The following KDM4C variants were observed in gnomAD, a reference collection of about 807,000 sequenced individuals.
KDM4C encodes lysine demethylase 4C.
A neutral mutation model predicts 129.3 loss-of-function variants in KDM4C; 81 were observed. The observed-to-expected ratio is 0.63, with a 90% CI of 0.52 to 0.75. The LOEUF (loss-of-function observed/expected upper bound fraction) is 0.75, where lower values mean the gene tolerates loss of function less well. Ranked by LOEUF, KDM4C falls within the 30% of genes least tolerant of loss-of-function variation. The pLI, the probability that KDM4C is intolerant of heterozygous loss-of-function variation, is 0.00. For missense variants in KDM4C, 1,457 were observed against 1,304.0 expected, an observed-to-expected ratio of 1.12 and a Z score of -1.81; for synonymous variants, 573 against 456.1, an observed-to-expected ratio of 1.26 and a Z score of -3.26.
rs1312480836 is a variant in KDM4C, at chr9:6,730,077, T to C, written c.49+9080T>C. ...GTGGGCCGAGATTGTGCCACTGCAC[T>C]GCAGCCTGGGCAACAAAGCGAGACT... is the stretch of plus-strand genomic sequence containing the variant. On this transcript the variant is annotated intron_variant, in intron 1 of 17. Transcript: ENST00000536108. Among the ~76,000 whole-genome samples the C allele has an allele frequency of 2.4e-5, 2 of 82,834 alleles. 1 individual carries two copies. Among genetic ancestry groups the C allele is most frequent in the African/African-American group, 1.5e-4 (2 of 13,204 alleles). The allele number at this position is 82,834 out of a possible 152,430, so 54.3% of individuals were successfully genotyped here.
intron 5 of KDM4C, among the ~76,000 whole-genome samples, chr9:6,869,473 C>A (rs1842536980): frequency 6.6e-6 from 1 of 152,230 alleles, no homozygotes; most frequent in Non-Finnish European, 1.5e-5. Flanking sequence ...TTGGGGAGTT[C>A]ACTCTGAGAT....
chr9:6,847,494 C>T (rs189900923), intron 4 of KDM4C, among the ~76,000 whole-genome samples: 5 of 152,034 alleles, frequency 3.3e-5, no homozygotes, highest in Admixed American at 6.6e-5. Flanking sequence ...CTCCCGGGGC[C>T]GTTCTCCTGC....
At chr9:6,746,261 T>TA (rs1324137177) in intron 1 of KDM4C, among the ~76,000 whole-genome samples, 5 of 112,864 alleles carry the variant, frequency 4.4e-5, no homozygotes, top group African/African-American at 1.9e-4. Context: ...TATATATATA[T>TA]GTTTTTTTTT....
At chr9:6,906,452 C>A (rs1319945099) in intron 8 of KDM4C, among the ~76,000 whole-genome samples, 2 of 152,146 alleles carry the variant, frequency 1.3e-5, no homozygotes, top group African/African-American at 4.8e-5. Flanking sequence ...GACTCCAAGT[C>A]TTCTGCCTCA....
At chr9:6,741,899 C>G (rs1345473389) in intron 1 of KDM4C, among the ~76,000 whole-genome samples, 2 of 151,486 alleles carry the variant, frequency 1.3e-5, no homozygotes, top group African/African-American at 4.8e-5. Flanking sequence ...GTTACACACA[C>G]ACACACACAC....
At chr9:6,731,985 ACTAT>A (rs1369442624) in intron 1 of KDM4C, among the ~76,000 whole-genome samples, 8 of 152,084 alleles carry the variant, frequency 5.3e-5, no homozygotes, top group African/African-American at 1.9e-4. Context: ...TATTATCATC[ACTAT>A]CAGGAGGATA....
chr9:6,798,195 T>C (rs962087332), intron 2 of KDM4C, among the ~76,000 whole-genome samples: 1 of 152,180 alleles, frequency 6.6e-6, no homozygotes, highest in Non-Finnish European at 1.5e-5. Flanking sequence ...CTTGCTTCTC[T>C]GTCTTTAGAA....
At chr9:6,767,713 C>G (rs888323619) in intron 1 of KDM4C, among the ~76,000 whole-genome samples, 6 of 152,126 alleles carry the variant, frequency 3.9e-5, no homozygotes, top group Non-Finnish European at 8.8e-5. Flanking sequence ...TCCGCTTCAG[C>G]CTTCCAAAGT....
intron 18 of KDM4C, among the ~76,000 whole-genome samples, chr9:7,114,373 C>T (rs1276293451): frequency 4.6e-5 from 7 of 152,138 alleles, no homozygotes; most frequent in Non-Finnish European, 2.9e-5. Flanking sequence ...TATATGGGTA[C>T]ATTGAGAAAT....
intron 17 of KDM4C, among the ~76,000 whole-genome samples, chr9:7,095,794 G>T (rs959355504): frequency 3.9e-5 from 6 of 152,194 alleles, no homozygotes; most frequent in Non-Finnish European, 8.8e-5. Flanking sequence ...GGGTACAGTT[G>T]TATCAGAAGG....
At chr9:7,171,842 TA>T (rs894095601) in intron 21 of KDM4C, among the ~76,000 whole-genome samples, 86 of 151,228 alleles carry the variant, frequency 5.7e-4, no homozygotes, top group South Asian at 3.8e-3. Flanking sequence ...AATTTTTAAT[TA>T]AAAAAAAAGT....
At chr9:6,827,982 C>G (rs1424135692) in intron 4 of KDM4C, among the ~76,000 whole-genome samples, 2 of 152,098 alleles carry the variant, frequency 1.3e-5, no homozygotes, top group South Asian at 2.1e-4. Context: ...TCCGTTAGTT[C>G]TAGAAGCTGT....
At chr9:6,962,021 G>A (rs1302684480) in intron 8 of KDM4C, among the ~76,000 whole-genome samples, 5 of 152,096 alleles carry the variant, frequency 3.3e-5, no homozygotes, top group Non-Finnish European at 5.9e-5. Context: ...CATTAACTTC[G>A]TTATGTACTT....
At chr9:6,977,260 A>G (rs1833076649) in intron 8 of KDM4C, among the ~76,000 whole-genome samples, 1 of 152,152 alleles carries the variant, frequency 6.6e-6, no homozygotes, top group Non-Finnish European at 1.5e-5. Context: ...TCTTTTCATA[A>G]TTGTTGGAAA....
At chr9:6,855,938 G>C (rs1014780008) in intron 5 of KDM4C, among the ~76,000 whole-genome samples, 1 of 152,054 alleles carries the variant, frequency 6.6e-6, no homozygotes, top group African/African-American at 2.4e-5. Context: ...ATGGGGTCTC[G>C]CTGGGTTGCC....
intron 5 of KDM4C, among the ~76,000 whole-genome samples, chr9:6,870,452 C>T (rs1180603103): frequency 6.6e-6 from 1 of 151,896 alleles, no homozygotes; most frequent in Non-Finnish European, 1.5e-5. Context: ...TGAAGAGATG[C>T]CTGTAAGGAA....
At chr9:6,903,372 T>A (rs1817729921) in intron 8 of KDM4C, among the ~76,000 whole-genome samples, 1 of 152,208 alleles carries the variant, frequency 6.6e-6, no homozygotes, top group South Asian at 2.1e-4. Context: ...TTTTAAATCA[T>A]ATTAGTAAAG....
intron 8 of KDM4C, chr9:6,974,868 A>G (rs1369286951): frequency 1.3e-5 from 2 of 152,232 alleles, no homozygotes; most frequent in Non-Finnish European, 2.9e-5. Context: ...GCTGTTTTAC[A>G]TGGCACAGCA....
intron 19 of KDM4C, among the ~76,000 whole-genome samples, chr9:7,137,932 CAGA>C (rs1342614788): frequency 1.3e-5 from 2 of 152,192 alleles, no homozygotes; most frequent in Non-Finnish European, 2.9e-5. Context: ...TAGATATATC[CAGA>C]AGAAGTCAGT....
Sources: gnomAD v4.1 joint callset for allele counts (sites outside exome capture counted in the v4.1 genomes callset) on GRCh38, gnomAD v4.1.1 for gene constraint, MANE v1.5 for transcripts, NCBI Gene and HGNC (gene_info 2026-07-23, HGNC 2026-07-21) for gene names.